FOXJ3: variants seen among roughly 807,000 people sequenced by gnomAD.
FOXJ3 encodes forkhead box J3, also known as forkhead box protein J3.
In FOXJ3, 22 loss-of-function variants were observed where a neutral mutation model predicts 76.1. The observed-to-expected ratio is 0.29, with a 90% CI of 0.21 to 0.41. The LOEUF is 0.41. Ranked by LOEUF, FOXJ3 falls within the 10% of genes least tolerant of loss-of-function variation. FOXJ3 has a pLI of 1.00. For missense variants in FOXJ3, 613 were observed against 762.1 expected (o/e 0.80, Z 2.30); for synonymous variants, 269 against 261.2 (o/e 1.03, Z -0.29).
At chr1:42,293,321 T>C (rs1653567386) in intron 2 of FOXJ3, among the ~76,000 whole-genome samples, 1 of 150,986 alleles carries the variant, frequency 6.6e-6, no homozygotes, top group African/African-American at 2.4e-5. Flanking sequence ...AGAGAACTCA[T>C]ATAACTCAAT....
At chr1:42,187,838 A>AAGGTAAGCTATTCAAAATAGCTT (rs1477373873) in intron 11 of FOXJ3, among the ~76,000 whole-genome samples, 4 of 152,268 alleles carry the variant, frequency 2.6e-5, no homozygotes, top group African/African-American at 9.6e-5. Context: ...GGTTTCAGGC[A>AAGGTAAGCTATTCAAAATAGCTT]AGGTAAGCTA....
At chr1:42,308,098 C>T (rs1040423203) in intron 2 of FOXJ3, among the ~76,000 whole-genome samples, 5 of 152,218 alleles carry the variant, frequency 3.3e-5, no homozygotes, top group African/African-American at 7.2e-5. Context: ...CCCACTCATA[C>T]CTGTGCCTAC....
chr1:42,237,921 CACACACACACACACACACATATATATAG>C (rs1473106694), intron 4 of FOXJ3, among the ~76,000 whole-genome samples: 7 of 139,534 alleles, frequency 5.0e-5, no homozygotes, highest in Non-Finnish European at 9.8e-5. Context: ...TACACACACA[CACACACACACACACACACATATATATAG>C]ACACACACAC....
chr1:42,280,619 A>G (rs1359111967), intron 2 of FOXJ3, among the ~76,000 whole-genome samples: 2 of 152,132 alleles, frequency 1.3e-5, no homozygotes, highest in Non-Finnish European at 2.9e-5. Flanking sequence ...GAATCCCTTC[A>G]GTAATGAAAA....
chr1:42,309,447 G>T (rs1654672553), intron 2 of FOXJ3, among the ~76,000 whole-genome samples: 2 of 152,062 alleles, frequency 1.3e-5, no homozygotes, highest in Admixed American at 6.6e-5. Context: ...CCTTCCCTTA[G>T]GACTGGCCTG....
rs769439952 is a variant in FOXJ3 at position 42,179,664 on chromosome 1, G to A, written c.*46C>T. 1.3e-5 allele frequency: 15 copies of A among 1,195,628 alleles called. No individual in the cohort carries two copies. The highest frequency in any genetic ancestry group is 1.5e-5 in the Non-Finnish European group (12 of 800,726). 74.1% of individuals were successfully genotyped at this position (1,195,628 alleles called of 1,614,324 possible). On this transcript the variant is annotated 3_prime_UTR_variant, in exon 13 of 13. Transcript: ENST00000361346. ...ATTCTCTTAAACCTTTCCCTTCACT[G>A]CACAGAAAGGTAACGTTAGGGTCTG...
chr1:42,272,150 G>C (rs1651910824), intron 3 of FOXJ3, among the ~76,000 whole-genome samples: 1 of 152,168 alleles, frequency 6.6e-6, no homozygotes, highest in African/African-American at 2.4e-5. Context: ...AGTTCACTCT[G>C]CATTTCTGGA....
chr1:42,209,857 G>A (rs1646932411), intron 5 of FOXJ3, among the ~76,000 whole-genome samples: 1 of 152,188 alleles, frequency 6.6e-6, no homozygotes, highest in South Asian at 2.1e-4. Context: ...GAGTGCAGAT[G>A]GAACCCCTTG....
intron 1 of FOXJ3, among the ~76,000 whole-genome samples, chr1:42,324,103 T>TATATACACTGTGTATATATA (rs1553170579): frequency 2.3e-5 from 2 of 88,342 alleles, no homozygotes; most frequent in Non-Finnish European, 2.1e-5. Flanking sequence ...ATATATACTG[T>TATATACACTGTGTATATATA]GTATATACAC....
chr1:42,291,188 C>T (rs1468916497), intron 2 of FOXJ3, among the ~76,000 whole-genome samples: 2 of 152,118 alleles, frequency 1.3e-5, no homozygotes, highest in Admixed American at 1.3e-4. Context: ...TATGTTGAAA[C>T]AATTGTCTGC....
intron 6 of FOXJ3, among the ~76,000 whole-genome samples, chr1:42,200,778 T>G (rs1005350357): frequency 3.3e-5 from 5 of 152,184 alleles, no homozygotes; most frequent in Admixed American, 2.6e-4. Flanking sequence ...CCACCGCACC[T>G]GGCCTTCAAT....
At chr1:42,322,915 G>T (rs1414457614) in intron 1 of FOXJ3, among the ~76,000 whole-genome samples, 1 of 152,126 alleles carries the variant, frequency 6.6e-6, no homozygotes. Context: ...CACAACTGGA[G>T]TATTGTATTC....
At position 42,188,722 on chromosome 1, in the gene FOXJ3, T is replaced by C; in HGVS notation, c.1645+15A>G. ...GAGAAAATGAGAAAAATCAAGAAGA[T>C]AACTAACCCCATACCTGTTCCAATG... On this transcript the variant is annotated intron_variant, in intron 11 of 12. Transcript: ENST00000361346. 1 of 1,459,762 alleles carries C rather than the reference T, an allele frequency of 6.9e-7. No homozygotes were observed. The highest frequency in any genetic ancestry group is 1.5e-5 in the South Asian group (1 of 65,532). The allele number at this position is 1,459,762 out of a possible 1,614,324, so 90.4% of individuals were successfully genotyped here. A position where few individuals can be genotyped will look rare whatever the true frequency, so the allele number is the denominator to read the frequency against.
Position 42,191,404 on chromosome 1 carries a change from T to C in FOXJ3, c.1250A>G (p.His417Arg), listed in dbSNP as rs764314018. 2 of 1,608,762 alleles carry C rather than the reference T, an allele frequency of 1.2e-6. No homozygotes were observed. The highest frequency in any genetic ancestry group is 2.2e-5 in the South Asian group (2 of 90,752). Reference sequence around the variant, plus strand: ...CTGTATGTGTTGATGTGGAGAGGGATGCTGGGGGTGAGGGGACTGGAGCTG... The same window carrying C: ...CTGTATGTGTTGATGTGGAGAGGGACGCTGGGGGTGAGGGGACTGGAGCTG... Reference protein sequence around the residue: ...HSQLQSPHPQHPSPHQHIQHH... With the variant: ...HSQLQSPHPQRPSPHQHIQHH... Residue 417 changes from histidine (H) to arginine (R), a missense_variant, in exon 9 of 13, where the codon CAT (histidine) becomes CGT (arginine). Coordinates refer to ENST00000361346, the MANE Select transcript of FOXJ3 (RefSeq NM_014947.5).
At chr1:42,310,719 G>C (rs189674087) in intron 2 of FOXJ3, among the ~76,000 whole-genome samples, 511 of 152,156 alleles carry the variant, frequency 3.4e-3, no homozygotes, top group African/African-American at 0.012. Context: ...CAAAATGCTG[G>C]GAGTACAGAT....
intron 11 of FOXJ3, among the ~76,000 whole-genome samples, chr1:42,182,779 T>C (rs143884238): frequency 0.011 from 1,724 of 152,190 alleles, 36 homozygotes; most frequent in African/African-American, 0.04. Context: ...ATTATAGGCA[T>C]GAGCCACCGC....
At chr1:42,252,810 T>A (rs1343769838) in intron 4 of FOXJ3, among the ~76,000 whole-genome samples, 1 of 152,064 alleles carries the variant, frequency 6.6e-6, no homozygotes, top group Non-Finnish European at 1.5e-5. Context: ...ATGGGACATA[T>A]CTCAAAATAA....
intron 2 of FOXJ3, among the ~76,000 whole-genome samples, chr1:42,307,122 A>G (rs1045555165): frequency 6.6e-6 from 1 of 152,260 alleles, no homozygotes; most frequent in South Asian, 2.1e-4. Flanking sequence ...TTCAGGTTTC[A>G]TAAGAGCCAT....
chr1:42,222,020 AGGGGGAGGG>A (rs1326855182), intron 5 of FOXJ3, among the ~76,000 whole-genome samples: 5 of 1,654 alleles, frequency 3.0e-3, no homozygotes, highest in South Asian at 0.033. Context: ...GAGAAGGAGA[AGGGGGAGGG>A]GGAGGAGAAG....
Sources: gnomAD v4.1 joint callset for allele counts (sites outside exome capture counted in the v4.1 genomes callset) on GRCh38, gnomAD v4.1.1 for gene constraint, MANE v1.5 for transcripts, NCBI Gene and HGNC (gene_info 2026-07-23, HGNC 2026-07-21) for gene names.